Variants in MSR1 observed in about 807,000 individuals in gnomAD.
MSR1 encodes macrophage scavenger receptor 1.
In MSR1, 53 loss-of-function variants were observed where a neutral mutation model predicts 47.2. That is an observed-to-expected ratio of 1.12 (90% CI 0.90 to 1.41). The LOEUF is 1.41. Among genes scored for constraint, MSR1 ranks in the 40% most tolerant of loss-of-function variants. The pLI is 0.00. For synonymous variants in MSR1, 239 were observed against 185.6 expected, an observed-to-expected ratio of 1.29 and a Z score of -2.34; for missense variants, 786 against 546.9, an observed-to-expected ratio of 1.44 and a Z score of -4.36.
intron 2 of MSR1, among the ~76,000 whole-genome samples, chr8:16,175,661 CAAT>C (rs1563167075): frequency 2.0e-5 from 3 of 152,144 alleles, no homozygotes; most frequent in South Asian, 2.1e-4. Context: ...TTCTGGGTGA[CAAT>C]AAAATTTTCT....
At chr8:16,117,649 C>A (rs1799906570) in intron 9 of MSR1, among the ~76,000 whole-genome samples, 1 of 152,078 alleles carries the variant, frequency 6.6e-6, no homozygotes, top group Non-Finnish European at 1.5e-5. Flanking sequence ...AGCCTGCTTC[C>A]ATTTCCAACA....
intron 5 of MSR1, among the ~76,000 whole-genome samples, chr8:16,158,944 T>C (rs1386480754): frequency 6.7e-6 from 1 of 148,298 alleles, no homozygotes; most frequent in African/African-American, 2.5e-5. Flanking sequence ...TTTTTTTTTT[T>C]TTTTTTTCAG....
At chr8:16,160,146 T>C (rs1403713918) in intron 5 of MSR1, among the ~76,000 whole-genome samples, 1 of 151,930 alleles carries the variant, frequency 6.6e-6, no homozygotes, top group Non-Finnish European at 1.5e-5. Flanking sequence ...AGACTTCCTT[T>C]AGGAAGGCTG....
Position 16,110,238 on chromosome 8 carries a change from C to A in MSR1, c.1223-20G>T. 1 of 1,612,676 alleles carries A rather than the reference C, an allele frequency of 6.2e-7. No homozygotes were observed. Among genetic ancestry groups the A allele is most frequent in the Non-Finnish European group, 8.5e-7 (1 of 1,179,084 alleles). ...CAGTACCTGCAATAATGAGGTATAA[C>A]TGCATTAGTAAGTTTAGAGTTTAGT... On this transcript the variant is annotated intron_variant, in intron 9 of 9. Coordinates refer to ENST00000262101, the MANE Select transcript of MSR1 (RefSeq NM_138715.3).
At chr8:16,179,050 T>A (rs1585193574) in intron 1 of MSR1, among the ~76,000 whole-genome samples, 2 of 152,206 alleles carry the variant, frequency 1.3e-5, no homozygotes, top group African/African-American at 4.8e-5. Context: ...AACCCTCTCA[T>A]GTATCTTTCT....
intron 1 of MSR1, among the ~76,000 whole-genome samples, chr8:16,179,410 C>T (rs1801758826): frequency 6.6e-6 from 1 of 152,090 alleles, no homozygotes; most frequent in Non-Finnish European, 1.5e-5. Flanking sequence ...ACATAGGATT[C>T]AGAAAAAACA....
chr8:16,182,191 T>C (rs532933396), intron 1 of MSR1, among the ~76,000 whole-genome samples: 8 of 152,278 alleles, frequency 5.3e-5, no homozygotes, highest in Admixed American at 1.3e-4. Flanking sequence ...CTAACATATC[T>C]ACACATAGAG....
chr8:16,157,409 A>G (rs543401599), intron 5 of MSR1, among the ~76,000 whole-genome samples: 8 of 152,038 alleles, frequency 5.3e-5, no homozygotes, highest in Middle Eastern at 6.8e-3. Context: ...CTGTATTTTT[A>G]TATAAAAATA....
chr8:16,143,432 G>C (rs372791457), intron 8 of MSR1, 126 bp downstream of exon 8: 4 of 683,034 alleles, frequency 5.9e-6, no homozygotes, highest in Middle Eastern at 2.9e-4. Context: ...AATTATGTTT[G>C]GCTTCCATAG....
intron 2 of MSR1, 111 bp downstream of exon 2, chr8:16,177,775 T>A: frequency 1.2e-6 from 1 of 826,402 alleles, no homozygotes. Context: ...GTCAAATAAG[T>A]ATTATTTTAA....
intron 5 of MSR1, among the ~76,000 whole-genome samples, chr8:16,163,582 A>G (rs931726612): frequency 6.6e-6 from 1 of 151,446 alleles, no homozygotes; most frequent in African/African-American, 2.4e-5. Flanking sequence ...ATTTATATAT[A>G]TAAGTAAGAT....
intron 9 of MSR1, among the ~76,000 whole-genome samples, chr8:16,112,518 A>T (rs2117045998): frequency 6.6e-6 from 1 of 152,238 alleles, no homozygotes; most frequent in Non-Finnish European, 1.5e-5. Context: ...TATATTCAAG[A>T]CTATTGAGCC....
Position 16,177,871 on chromosome 8 carries a change from T to C in MSR1, c.103+15A>G. The C allele has an allele frequency of 2.5e-6, 4 of 1,601,678 alleles. No homozygotes were observed. The highest frequency in any genetic ancestry group is 1.1e-5 in the South Asian group (1 of 90,822). ...AAGAACAACCTCCATGGGCAGCCCA[T>C]CCCCCTCTACTTACTCGGAGGAAGC... is the stretch of plus-strand genomic sequence containing the variant. On this transcript the variant is annotated intron_variant, in intron 2 of 9. Coordinates refer to ENST00000262101, the MANE Select transcript of MSR1 (RefSeq NM_138715.3).
At chr8:16,120,775 TAA>T (rs1799986104) in intron 8 of MSR1, 169 bp from the exon 9 acceptor site, 4 of 850,384 alleles carry the variant, frequency 4.7e-6, no homozygotes, top group Non-Finnish European at 5.3e-6. Context: ...CACCTATTGG[TAA>T]AGAGTTTAAC....
intron 8 of MSR1, among the ~76,000 whole-genome samples, chr8:16,122,318 G>A (rs1800023520): frequency 1.3e-5 from 2 of 152,130 alleles, no homozygotes; most frequent in South Asian, 4.1e-4. Context: ...AATGGATTGT[G>A]AGAAGCCTTT....
At chr8:16,120,222 A>G (rs917195360) in intron 9 of MSR1, among the ~76,000 whole-genome samples, 196 bp downstream of exon 9, 1 of 151,370 alleles carries the variant, frequency 6.6e-6, no homozygotes, top group South Asian at 2.1e-4. Flanking sequence ...CTAAAAATAC[A>G]AAAAATGAGC....
chr8:16,184,521 G>T (rs367759153), intron 1 of MSR1, among the ~76,000 whole-genome samples: 2 of 152,108 alleles, frequency 1.3e-5, no homozygotes, highest in Non-Finnish European at 2.9e-5. Context: ...GAAGAGGCTG[G>T]AGAGGCATGT....
At chr8:16,162,144 A>G (rs1801180044) in intron 5 of MSR1, among the ~76,000 whole-genome samples, 1 of 152,056 alleles carries the variant, frequency 6.6e-6, no homozygotes, top group Non-Finnish European at 1.5e-5. Flanking sequence ...ACAGATAAGT[A>G]AAACTGCAGA....
chr8:16,132,657 T>C (rs1800289306), intron 8 of MSR1, among the ~76,000 whole-genome samples: 1 of 152,062 alleles, frequency 6.6e-6, no homozygotes, highest in African/African-American at 2.4e-5. Flanking sequence ...TGGCTGATTT[T>C]TGTATTTTTA....
Sources: allele counts gnomAD v4.1 joint callset (sites outside exome capture counted in the v4.1 genomes callset), GRCh38; gene constraint gnomAD v4.1.1; transcripts MANE v1.5; gene names NCBI Gene and HGNC (gene_info 2026-07-23, HGNC 2026-07-21).